Variants in RASSF3 observed in about 807,000 individuals in gnomAD.
The protein encoded by RASSF3 is Ras association domain family member 3, also known as ras association domain-containing protein 3.
In RASSF3, 19 loss-of-function variants were observed where a neutral mutation model predicts 19.9. That is an observed-to-expected ratio of 0.96 (90% CI 0.67 to 1.40). The LOEUF is 1.40. RASSF3 is among the 40% of genes most tolerant of loss of function. The probability of loss-of-function intolerance (pLI) is 0.00; values close to 1 mark genes in which losing one functional copy is unlikely to be tolerated. For synonymous variants in RASSF3, 110 were observed against 104.2 expected (o/e 1.06, Z -0.34); for missense variants, 306 against 289.8 (o/e 1.06, Z -0.41).
intron 2 of RASSF3, among the ~76,000 whole-genome samples, chr12:64,602,316 C>T (rs567871418): frequency 6.7e-6 from 1 of 149,706 alleles, no homozygotes; most frequent in South Asian, 2.1e-4. Context: ...CATGGTGGCT[C>T]ACGCCTGTAA....
chr12:64,552,384 T>C (rs1869179579), intron 2 of RASSF3, among the ~76,000 whole-genome samples: 1 of 152,184 alleles, frequency 6.6e-6, no homozygotes, highest in African/African-American at 2.4e-5. Context: ...TTTTTATTTT[T>C]AGTTCTGGGG....
In RASSF3 at chr12:64,552,981, C is replaced by A. The variant is rs151138356; in HGVS notation, c.294+11276C>A. Among the ~76,000 whole-genome samples, 97 of 152,126 alleles carry A rather than the reference C, an allele frequency of 6.4e-4. No homozygotes were observed. In the Middle Eastern group the frequency reaches 0.014, roughly 21 times the overall value. On this transcript the variant is annotated intron_variant, in intron 2 of 5. Coordinates refer to the RASSF3 transcript ENST00000637125. Reference sequence around the variant, plus strand: ...ATCCCAGTACTTTGGGAGGCCAAGGCGGGTGGATCACGAGGTCAGGAGATC... The same window carrying A: ...ATCCCAGTACTTTGGGAGGCCAAGGAGGGTGGATCACGAGGTCAGGAGATC...
At chr12:64,581,322 G>A (rs551624605) in intron 2 of RASSF3, among the ~76,000 whole-genome samples, 1 of 152,186 alleles carries the variant, frequency 6.6e-6, no homozygotes, top group Non-Finnish European at 1.5e-5. Context: ...AACTCTACAC[G>A]TAGCTTATAA....
intron 2 of RASSF3, among the ~76,000 whole-genome samples, chr12:64,554,946 G>A (rs1869231798): frequency 6.6e-6 from 1 of 151,790 alleles, no homozygotes; most frequent in Non-Finnish European, 1.5e-5. Flanking sequence ...TTTATTGTTT[G>A]AAAAAAAATT....
At chr12:64,558,130 G>A (rs943839286) in intron 2 of RASSF3, among the ~76,000 whole-genome samples, 1 of 152,176 alleles carries the variant, frequency 6.6e-6, no homozygotes. Flanking sequence ...GTGCCATACT[G>A]AGGGCCTGTT....
At chr12:64,521,101 G>A (rs898283362) in intron 1 of RASSF3, among the ~76,000 whole-genome samples, 4 of 152,164 alleles carry the variant, frequency 2.6e-5, no homozygotes, top group African/African-American at 7.2e-5. Flanking sequence ...GTCTGAAAGG[G>A]TGCAGAGACT....
intron 2 of RASSF3, among the ~76,000 whole-genome samples, chr12:64,549,504 G>C (rs1384283042): frequency 6.6e-6 from 1 of 152,022 alleles, no homozygotes; most frequent in African/African-American, 2.4e-5. Flanking sequence ...ATGACATAAA[G>C]TTACCATTTC....
At chr12:64,586,037 G>A (rs1170309671) in intron 2 of RASSF3, among the ~76,000 whole-genome samples, 6 of 151,978 alleles carry the variant, frequency 3.9e-5, no homozygotes, top group East Asian at 1.9e-4. Context: ...GAGACCATGC[G>A]AGGTGGGCCA....
intron 1 of RASSF3, among the ~76,000 whole-genome samples, chr12:64,615,614 G>T (rs1308018032): frequency 6.6e-6 from 1 of 151,914 alleles, no homozygotes; most frequent in Non-Finnish European, 1.5e-5. Flanking sequence ...TTTAGAGCTA[G>T]ATCACTGGGG....
At chr12:64,524,521 T>C (rs1240029144) in intron 1 of RASSF3, among the ~76,000 whole-genome samples, 1 of 152,088 alleles carries the variant, frequency 6.6e-6, no homozygotes, top group African/African-American at 2.4e-5. Flanking sequence ...CAGCTTTGAC[T>C]CTCAGCTGTT....
At chr12:64,662,035 C>G (rs1872385336) in intron 1 of RASSF3, among the ~76,000 whole-genome samples, 1 of 151,352 alleles carries the variant, frequency 6.6e-6, no homozygotes, top group Non-Finnish European at 1.5e-5. Context: ...TGTGCCAAGC[C>G]TTGCTCTAGA....
intron 1 of RASSF3, among the ~76,000 whole-genome samples, chr12:64,645,670 G>C: frequency 6.6e-6 from 1 of 152,194 alleles, no homozygotes; most frequent in Admixed American, 6.5e-5. Context: ...AAGAAAAATA[G>C]TTTTACTCCT....
intron 2 of RASSF3, among the ~76,000 whole-genome samples, chr12:64,600,745 G>A (rs1158071034): frequency 6.6e-6 from 1 of 152,160 alleles, no homozygotes; most frequent in African/African-American, 2.4e-5. Context: ...CAGTGGTTTT[G>A]TGTGGTTTTA....
At chr12:64,543,530 C>CCCCGCCCCCCT (rs1210832446), downstream of RASSF3, among the ~76,000 whole-genome samples, 648 of 62,012 alleles carry the variant, frequency 0.01, 21 homozygotes, top group African/African-American at 0.027. Context: ...CCCCGCTCTC[C>CCCCGCCCCCCT]CCCGCCCCCC....
chr12:64,648,240 C>G (rs1368242316), intron 1 of RASSF3, among the ~76,000 whole-genome samples: 1 of 152,202 alleles, frequency 6.6e-6, no homozygotes, highest in Non-Finnish European at 1.5e-5. Context: ...TCTTGAATGT[C>G]AGGCCTTGTG....
intron 2 of RASSF3, among the ~76,000 whole-genome samples, chr12:64,551,087 G>A (rs918249807): frequency 6.6e-6 from 1 of 152,090 alleles, no homozygotes; most frequent in Non-Finnish European, 1.5e-5. Context: ...AGAGGAAGAT[G>A]TTAGGAATAT....
chr12:64,667,498 C>T (rs1484090756), intron 1 of RASSF3, among the ~76,000 whole-genome samples: 1 of 152,114 alleles, frequency 6.6e-6, no homozygotes, highest in East Asian at 1.9e-4. Flanking sequence ...GGCCTATTTT[C>T]TTTCTATTAC....
chr12:64,536,076 G>C (rs1216125808), intron 1 of RASSF3, among the ~76,000 whole-genome samples: 3 of 139,804 alleles, frequency 2.1e-5, no homozygotes, highest in Non-Finnish European at 4.5e-5. Context: ...TCAGCTCACT[G>C]CAAGCTCCGC....
chr12:64,597,494 T>C (rs1219433360), intron 2 of RASSF3, among the ~76,000 whole-genome samples: 1 of 152,112 alleles, frequency 6.6e-6, no homozygotes, highest in African/African-American at 2.4e-5. Flanking sequence ...TCTCGCTCTA[T>C]TGCCCAGGCT....
Sources: gnomAD v4.1 joint callset for allele counts (sites outside exome capture counted in the v4.1 genomes callset) on GRCh38, gnomAD v4.1.1 for gene constraint, MANE v1.5 for transcripts, NCBI Gene and HGNC (gene_info 2026-07-23, HGNC 2026-07-21) for gene names.